GRIK1: variants seen among roughly 807,000 people sequenced by gnomAD.
GRIK1 encodes glutamate ionotropic receptor kainate type subunit 1, also known as glutamate receptor ionotropic, kainate 1.
GRIK1 carries 69 observed loss-of-function variants against 105.7 expected under a neutral mutation model. The observed-to-expected ratio is 0.65, with a 90% confidence interval of 0.54 to 0.80. The LOEUF (loss-of-function observed/expected upper bound fraction) is 0.80. Among genes scored for constraint, GRIK1 ranks in the 30% least tolerant of loss-of-function variants. GRIK1 has a pLI of 0.00. For missense variants in GRIK1, 1,109 were observed against 1,167.3 expected, an observed-to-expected ratio of 0.95 and a Z score of 0.73; for synonymous variants, 438 against 431.3, an observed-to-expected ratio of 1.02 and a Z score of -0.19.
At chr21:29,835,733 T>C (rs901852687) in intron 1 of GRIK1, among the ~76,000 whole-genome samples, 1 of 152,238 alleles carries the variant, frequency 6.6e-6, no homozygotes, top group Non-Finnish European at 1.5e-5. Flanking sequence ...TGCCCTGTTG[T>C]TTGCTGAAGA....
chr21:29,676,579 TCG>T (rs2063271641), intron 3 of GRIK1, among the ~76,000 whole-genome samples: 1 of 152,188 alleles, frequency 6.6e-6, no homozygotes, highest in Non-Finnish European at 1.5e-5. Flanking sequence ...TAATCCTCTC[TCG>T]TGTGGATGCC....
chr21:29,826,579 C>A (rs1229009214), intron 1 of GRIK1, among the ~76,000 whole-genome samples: 1 of 152,110 alleles, frequency 6.6e-6, no homozygotes, highest in South Asian at 2.1e-4. Context: ...CTGTCTCTAA[C>A]TTGCCAGGCC....
chr21:29,849,764 T>C (rs966951391), intron 1 of GRIK1, among the ~76,000 whole-genome samples: 1 of 152,212 alleles, frequency 6.6e-6, no homozygotes, highest in African/African-American at 2.4e-5. Flanking sequence ...TCTTAAAAGC[T>C]GGCACATTTC....
intron 7 of GRIK1, among the ~76,000 whole-genome samples, chr21:29,631,582 G>C (rs1488335917): frequency 6.6e-6 from 1 of 152,148 alleles, no homozygotes; most frequent in Non-Finnish European, 1.5e-5. Flanking sequence ...CCCAAGCTAA[G>C]ACAGCTGTTC....
intron 1 of GRIK1, among the ~76,000 whole-genome samples, chr21:29,741,381 C>T (rs1368254547): frequency 3.9e-5 from 6 of 152,026 alleles, no homozygotes; most frequent in Admixed American, 6.6e-5. Flanking sequence ...TGCAAAACAG[C>T]AATCGTCACA....
intron 1 of GRIK1, among the ~76,000 whole-genome samples, chr21:29,833,375 A>G (rs2067695438): frequency 6.6e-6 from 1 of 152,128 alleles, no homozygotes; most frequent in Non-Finnish European, 1.5e-5. Flanking sequence ...CACTCCCAGT[A>G]CCAATTTTCT....
intron 3 of GRIK1, among the ~76,000 whole-genome samples, chr21:29,683,167 A>G (rs183542601): frequency 6.6e-6 from 1 of 152,360 alleles, no homozygotes; most frequent in East Asian, 1.9e-4. Context: ...GGGAACACTT[A>G]TACACTGTTG....
intron 1 of GRIK1, chr21:29,861,721 T>C: frequency 2.3e-6 from 1 of 432,064 alleles, no homozygotes; most frequent in South Asian, 1.7e-5. Context: ...TATTTGATTA[T>C]ATGCATTTTT....
At chr21:29,618,772 C>G (rs2061910607) in intron 7 of GRIK1, among the ~76,000 whole-genome samples, 1 of 152,118 alleles carries the variant, frequency 6.6e-6, no homozygotes, top group Non-Finnish European at 1.5e-5. Flanking sequence ...GAATAGAAAA[C>G]CAAACAATGT....
intron 1 of GRIK1, among the ~76,000 whole-genome samples, chr21:29,747,432 T>C (rs2065073222): frequency 6.6e-6 from 1 of 152,228 alleles, no homozygotes; most frequent in Non-Finnish European, 1.5e-5. Context: ...AATTGTGATC[T>C]GGCTTCCTGC....
chr21:29,729,089 G>C (rs1347341871), intron 1 of GRIK1, among the ~76,000 whole-genome samples: 1 of 152,092 alleles, frequency 6.6e-6, no homozygotes, highest in Non-Finnish European at 1.5e-5. Flanking sequence ...TTGTGATTGG[G>C]GACCTAATCA....
chr21:29,928,349 G>T (rs1365458952), intron 1 of GRIK1, among the ~76,000 whole-genome samples: 1 of 152,194 alleles, frequency 6.6e-6, no homozygotes. Flanking sequence ...ATAGACATGT[G>T]ATAATACAAG....
chr21:29,562,642 C>T (rs942817100), intron 14 of GRIK1, among the ~76,000 whole-genome samples: 4 of 151,314 alleles, frequency 2.6e-5, no homozygotes, highest in East Asian at 3.9e-4. Flanking sequence ...GCAAAAACAG[C>T]GAGACTCTGT....
intron 1 of GRIK1, among the ~76,000 whole-genome samples, chr21:29,724,195 C>T (rs568287296): frequency 2.0e-5 from 3 of 152,330 alleles, no homozygotes; most frequent in East Asian, 3.9e-4. Context: ...TTTAGCGTGA[C>T]ATCAGTCAAA....
intron 1 of GRIK1, among the ~76,000 whole-genome samples, chr21:29,888,197 C>CTTTCTTTCTTTCTTCCTTTCTTTCTT (rs59241719): frequency 4.0e-4 from 9 of 22,344 alleles, no homozygotes; most frequent in Middle Eastern, 0.022. Flanking sequence ...TTCTTTCTTT[C>CTTTCTTTCTTTCTTCCTTTCTTTCTT]TCTCTCTCTC....
chr21:29,684,247 A>G (rs1028112802), intron 3 of GRIK1, among the ~76,000 whole-genome samples: 1 of 146,548 alleles, frequency 6.8e-6, no homozygotes, highest in Non-Finnish European at 1.5e-5. Flanking sequence ...AAGGGAATCT[A>G]TCATCTCTAT....
intron 1 of GRIK1, among the ~76,000 whole-genome samples, chr21:29,770,498 A>ATCCT (rs1569073108): frequency 3.9e-5 from 6 of 152,250 alleles, no homozygotes; most frequent in African/African-American, 4.8e-5. Flanking sequence ...ATGCACATGT[A>ATCCT]GCCACCACTG....
intron 1 of GRIK1, among the ~76,000 whole-genome samples, chr21:29,746,257 C>T (rs774360049): frequency 6.6e-6 from 1 of 152,084 alleles, no homozygotes; most frequent in Non-Finnish European, 1.5e-5. Context: ...GATTGGGTAC[C>T]ACACTTGGGC....
At chr21:29,734,509 C>A (rs960396607) in intron 1 of GRIK1, among the ~76,000 whole-genome samples, 27 of 152,000 alleles carry the variant, frequency 1.8e-4, no homozygotes, top group African/African-American at 6.3e-4. Context: ...CAGTGATCCT[C>A]CCACCTCAGC....
Sources: allele counts gnomAD v4.1 joint callset (sites outside exome capture counted in the v4.1 genomes callset), GRCh38; gene constraint gnomAD v4.1.1; transcripts MANE v1.5; gene names NCBI Gene and HGNC (gene_info 2026-07-23, HGNC 2026-07-21).